Variants in ST18 observed in about 807,000 individuals in gnomAD.
The protein encoded by ST18 is suppression of tumorigenicity 18 protein.
In ST18, 50 loss-of-function variants were observed where a neutral mutation model predicts 110.0. That is an observed-to-expected ratio of 0.45 (90% CI 0.36 to 0.58). The LOEUF is 0.58. Ranked by LOEUF, ST18 falls within the 20% of genes least tolerant of loss-of-function variation. ST18 has a pLI of 0.00. For synonymous variants in ST18, 461 were observed against 452.4 expected (o/e 1.02, Z -0.24); for missense variants, 1,306 against 1,280.1 (o/e 1.02, Z -0.31).
At chr8:52,158,826 A>C in intron 15 of ST18, 72 bp downstream of exon 15, 3 of 1,537,822 alleles carry the variant, frequency 2.0e-6, no homozygotes, top group Non-Finnish European at 2.7e-6. Context: ...GAATGTAGTT[A>C]GGAACATGAA....
chr8:52,306,122 A>T (rs2095808767), intron 2 of ST18, among the ~76,000 whole-genome samples: 1 of 152,110 alleles, frequency 6.6e-6, no homozygotes, highest in Admixed American at 6.5e-5. Flanking sequence ...CCTAGGCTAA[A>T]ATGCTCTTCC....
Position 52,171,897 on chromosome 8 carries a change from T to A in ST18, c.964A>T (p.Asn322Tyr), listed in dbSNP as rs914570757. ...LQAERGCVFHNTYKELDRFLL... is the reference protein window; with the variant it reads ...LQAERGCVFHYTYKELDRFLL... Reference sequence around the variant, plus strand: ...AACCTATCCAGCTCTTTGTAGGTGTTATGGAAAACACAACCTCGCTCAGCC... The same window carrying A: ...AACCTATCCAGCTCTTTGTAGGTGTAATGGAAAACACAACCTCGCTCAGCC... The change falls in exon 10 of 26, where the codon AAC (asparagine) becomes TAC (tyrosine). Residue 322 changes from asparagine (N) to tyrosine (Y), a missense_variant. Transcript: ENST00000689386. 6.2e-7 allele frequency: 1 copy of A among 1,614,226 alleles called. No homozygotes were observed. The highest frequency in any genetic ancestry group is 8.5e-7 in the Non-Finnish European group (1 of 1,180,042).
intron 15 of ST18, among the ~76,000 whole-genome samples, chr8:52,150,280 G>GTA (rs202207483): frequency 8.2e-5 from 12 of 146,300 alleles, no homozygotes; most frequent in Non-Finnish European, 1.5e-4. Flanking sequence ...GTGTGTGTGT[G>GTA]TATATATATG....
At chr8:52,121,463 CCA>C (rs1462411810) in intron 23 of ST18, among the ~76,000 whole-genome samples, 2 of 152,190 alleles carry the variant, frequency 1.3e-5, no homozygotes, top group Non-Finnish European at 2.9e-5. Flanking sequence ...TTATCTGTTT[CCA>C]CAGAGTCGCT....
At chr8:52,209,948 A>G (rs1211552299) in intron 8 of ST18, 3 of 381,166 alleles carry the variant, frequency 7.9e-6, no homozygotes, top group Non-Finnish European at 1.6e-5. Context: ...TATGAATTAT[A>G]TTTCTCTTCT....
At chr8:52,327,009 G>C (rs896841038) in intron 2 of ST18, among the ~76,000 whole-genome samples, 2 of 152,202 alleles carry the variant, frequency 1.3e-5, no homozygotes, top group African/African-American at 4.8e-5. Context: ...CCACCGGAGA[G>C]GGAGCCCCAC....
chr8:52,389,690 G>A (rs993578738), intron 2 of ST18, among the ~76,000 whole-genome samples: 43 of 152,190 alleles, frequency 2.8e-4, no homozygotes, highest in Admixed American at 2.6e-4. Flanking sequence ...GTGCACATGC[G>A]GAGTAAGGAG....
At chr8:52,373,667 A>G (rs1159488337) in intron 2 of ST18, among the ~76,000 whole-genome samples, 1 of 152,122 alleles carries the variant, frequency 6.6e-6, no homozygotes, top group East Asian at 1.9e-4. Context: ...CATGATCTTC[A>G]TGTCTTCACT....
intron 13 of ST18, among the ~76,000 whole-genome samples, chr8:52,162,351 A>G (rs2061676360): frequency 6.6e-6 from 1 of 152,216 alleles, no homozygotes. Flanking sequence ...GTGTCATTAT[A>G]TTCTGTTCAG....
intron 6 of ST18, among the ~76,000 whole-genome samples, chr8:52,217,063 A>G (rs1449224709): frequency 6.6e-6 from 1 of 152,224 alleles, no homozygotes; most frequent in African/African-American, 2.4e-5. Context: ...CCCCCTGGAA[A>G]AGAAGACTTG....
Position 52,214,239 on chromosome 8 carries a change from C to G in ST18, c.19G>C (p.Asp7His), listed in dbSNP as rs1388391011. The G allele has an allele frequency of 6.2e-7, 1 of 1,614,068 alleles. No individual in the cohort carries two copies. The highest frequency in any genetic ancestry group is 1.1e-5 in the South Asian group (1 of 91,088). The change falls in exon 7 of 26, where the codon GAT (aspartate) becomes CAT (histidine). Residue 7 changes from aspartate (D) to histidine (H), a missense_variant. Transcript: ENST00000689386. MDAEAE[D>H]KTLRTRSKGT... is the part of the protein sequence containing the mutation. ...TTAGAGCGAGTACGCAGCGTTTTAT[C>G]TTCAGCCTCTGCATCCATCTATAAC...
intron 12 of ST18, 48 bp from the exon 13 acceptor site, chr8:52,164,138 T>C (rs767505220): frequency 2.0e-6 from 3 of 1,528,276 alleles, no homozygotes; most frequent in African/African-American, 1.4e-5. Context: ...AATGATAATA[T>C]GATTTGTTTT....
In ST18 at chr8:52,149,851, A is replaced by T; in HGVS notation, c.1933T>A (p.Phe645Ile). The T allele has an allele frequency of 6.2e-7, 1 of 1,614,164 alleles. No homozygotes were observed. Residue 645 changes from phenylalanine to isoleucine, a missense_variant, in exon 16 of 26, where the codon TTC (phenylalanine) becomes ATC (isoleucine). Coordinates refer to ENST00000689386, the MANE Select transcript of ST18 (RefSeq NM_001352837.2). ...TTGACCAGAATGCTGCTTGTTTTGA[A>T]TGGGGAAGAGGAAGGAGTTGGAATA... ...TSIPTPSSSPFKTSSILVNAA... is the reference protein window; with the variant it reads ...TSIPTPSSSPIKTSSILVNAA...
intron 2 of ST18, among the ~76,000 whole-genome samples, chr8:52,290,885 G>T (rs1464291565): frequency 1.3e-5 from 2 of 151,910 alleles, no homozygotes; most frequent in Non-Finnish European, 2.9e-5. Context: ...TTCTCTTCTC[G>T]CCTTAGGGCT....
chr8:52,125,954 T>C (rs1156395630), intron 23 of ST18, 98 bp downstream of exon 23: 1 of 888,520 alleles, frequency 1.1e-6, no homozygotes, highest in Non-Finnish European at 1.7e-6. Flanking sequence ...ATTAAAATTA[T>C]GCTTCCCACC....
chr8:52,292,481 T>C (rs757968127), intron 2 of ST18, among the ~76,000 whole-genome samples: 2 of 152,208 alleles, frequency 1.3e-5, no homozygotes, highest in African/African-American at 4.8e-5. Context: ...CTAGAAGATA[T>C]TATTTCTTAC....
At chr8:52,374,834 T>G (rs370655942) in intron 2 of ST18, among the ~76,000 whole-genome samples, 102 of 152,328 alleles carry the variant, frequency 6.7e-4, no homozygotes, top group African/African-American at 2.4e-3. Flanking sequence ...ATTTCCAGCT[T>G]CATCCATATC....
intron 2 of ST18, among the ~76,000 whole-genome samples, chr8:52,308,574 T>C (rs970983729): frequency 6.6e-6 from 1 of 152,248 alleles, no homozygotes; most frequent in African/African-American, 2.4e-5. Context: ...TTGGAGGTTC[T>C]TGAGACTAAG....
At chr8:52,221,542 A>G (rs1182737737) in intron 4 of ST18, 98 bp downstream of exon 4, 1 of 152,196 alleles carries the variant, frequency 6.6e-6, no homozygotes, top group Admixed American at 6.5e-5. Context: ...CACTCAACAT[A>G]CTAGAGGAAC....
Sources: gnomAD v4.1 joint callset for allele counts (sites outside exome capture counted in the v4.1 genomes callset) on GRCh38, gnomAD v4.1.1 for gene constraint, MANE v1.5 for transcripts, NCBI Gene and HGNC (gene_info 2026-07-23, HGNC 2026-07-21) for gene names.